The following MND1 variants were observed in gnomAD, a reference collection of about 807,000 sequenced individuals.
MND1 encodes the protein meiotic nuclear division protein 1 homolog.
MND1 carries 28 observed loss-of-function variants against 35.1 expected under a neutral mutation model. The observed-to-expected ratio is 0.80, with a 90% CI of 0.59 to 1.09. The LOEUF is 1.09. MND1 is among the 50% of genes least tolerant of loss of function. The probability of loss-of-function intolerance (pLI) is 0.00; values close to 1 mark genes in which losing one functional copy is unlikely to be tolerated. For synonymous variants in MND1, 69 were observed against 70.5 expected (o/e 0.98, Z 0.11); for missense variants, 213 against 239.6 (o/e 0.89, Z 0.73).
intron 6 of MND1, among the ~76,000 whole-genome samples, chr4:153,404,883 C>T (rs1034227412): frequency 6.6e-6 from 1 of 152,030 alleles, no homozygotes; most frequent in African/African-American, 2.4e-5. Context: ...TGCACCTCTA[C>T]ACCTGGCTAA....
intron 5 of MND1, 143 bp downstream of exon 5, chr4:153,394,479 G>C (rs1234719855): frequency 3.5e-6 from 2 of 566,698 alleles, no homozygotes; most frequent in Non-Finnish European, 6.1e-6. Flanking sequence ...GACCTGGTAG[G>C]ATTCACCAAT....
intron 6 of MND1, among the ~76,000 whole-genome samples, chr4:153,403,512 G>C (rs992558461): frequency 6.6e-6 from 1 of 152,132 alleles, no homozygotes; most frequent in Non-Finnish European, 1.5e-5. Flanking sequence ...TTAAGAACAC[G>C]GACTTTACAG....
intron 7 of MND1, 70 bp from the exon 8 acceptor site, chr4:153,414,680 TG>T: frequency 1.6e-6 from 1 of 614,384 alleles, no homozygotes; most frequent in South Asian, 3.1e-5. Context: ...AAAAGAACAA[TG>T]AAGATAATTA....
intron 2 of MND1, among the ~76,000 whole-genome samples, chr4:153,352,643 G>A (rs1773242680): frequency 6.6e-6 from 1 of 151,600 alleles, no homozygotes; most frequent in Non-Finnish European, 1.5e-5. Context: ...GGAGGCCAAG[G>A]CAGGAGGATC....
chr4:153,387,008 A>G (rs1190868651), intron 4 of MND1, among the ~76,000 whole-genome samples: 2 of 152,240 alleles, frequency 1.3e-5, no homozygotes. Flanking sequence ...GAGAATGCTC[A>G]CATTTTAATC....
intron 4 of MND1, among the ~76,000 whole-genome samples, chr4:153,384,258 CTTTTTTTT>C (rs35214226): frequency 2.3e-3 from 127 of 55,360 alleles, no homozygotes; most frequent in African/African-American, 9.4e-3. Flanking sequence ...CTACTTTCTG[CTTTTTTTT>C]TTTTTTTTTT....
chr4:153,358,744 A>C (rs537545574), intron 4 of MND1, 122 bp downstream of exon 4: 1 of 888,920 alleles, frequency 1.1e-6, no homozygotes, highest in East Asian at 2.8e-5. Flanking sequence ...CTGAAAGTCT[A>C]AAGATAATTA....
intron 7 of MND1, among the ~76,000 whole-genome samples, chr4:153,413,886 T>C (rs1421687057): frequency 1.3e-5 from 2 of 152,228 alleles, no homozygotes; most frequent in Non-Finnish European, 2.9e-5. Flanking sequence ...TTTTATTTCC[T>C]TGGGATAAAT....
intron 4 of MND1, among the ~76,000 whole-genome samples, chr4:153,366,861 T>G (rs937232679): frequency 6.6e-6 from 1 of 152,212 alleles, no homozygotes; most frequent in African/African-American, 2.4e-5. Context: ...GTTTTATAGA[T>G]GAAGAAACTG....
intron 1 of MND1, among the ~76,000 whole-genome samples, chr4:153,347,590 A>T (rs1773104578): frequency 6.6e-6 from 1 of 152,196 alleles, no homozygotes; most frequent in Non-Finnish European, 1.5e-5. Context: ...CAGTGTGCTG[A>T]TACGGACAAG....
chr4:153,408,552 T>C (rs1729585315), intron 6 of MND1, among the ~76,000 whole-genome samples: 1 of 152,184 alleles, frequency 6.6e-6, no homozygotes, highest in South Asian at 2.1e-4. Flanking sequence ...TCACACTTAT[T>C]GTGGTCTTAT....
At chr4:153,408,443 T>C (rs1729581647) in intron 6 of MND1, among the ~76,000 whole-genome samples, 1 of 152,002 alleles carries the variant, frequency 6.6e-6, no homozygotes, top group South Asian at 2.1e-4. Context: ...GTACATAATA[T>C]ACATACAGAT....
intron 2 of MND1, among the ~76,000 whole-genome samples, chr4:153,354,607 A>C (rs532663850): frequency 6.6e-6 from 1 of 152,094 alleles, no homozygotes; most frequent in Non-Finnish European, 1.5e-5. Context: ...GGCTCAAGCT[A>C]TTCTCCCATC....
rs112091834 is a variant in MND1, at chr4:153,394,335, C to T, written c.350C>T (p.Thr117Met). The T allele has an allele frequency of 9.6e-5, 154 of 1,610,140 alleles. No homozygotes were observed. The African/African-American group carries it at 1.3e-3, about 14-fold the overall frequency. ...IEKAKIGRCETEERTRLAKEL... is the reference protein window; with the variant it reads ...IEKAKIGRCEMEERTRLAKEL... ...AAAGCTAAAATTGGCCGATGTGAAA[C>T]GGTAAGTTTGTGTCTATAGATTATT... Residue 117 changes from threonine (T) to methionine (M), a missense_variant and splice_region_variant, in exon 5 of 8, where the codon ACG becomes ATG. Coordinates refer to ENST00000240488, the MANE Select transcript of MND1 (RefSeq NM_032117.4).
At chr4:153,390,708 C>T (rs1220348834) in intron 4 of MND1, among the ~76,000 whole-genome samples, 1 of 151,792 alleles carries the variant, frequency 6.6e-6, no homozygotes, top group African/African-American at 2.4e-5. Flanking sequence ...ATTAGCCGGG[C>T]GTGGTAGCAT....
rs1416115901 is a variant in MND1, at chr4:153,379,268, C to T, written c.277-14994C>T. Among the ~76,000 whole-genome samples the T allele has an allele frequency of 7.0e-5, 9 of 127,896 alleles. No homozygotes were observed. In the South Asian group the frequency reaches 1.7e-3, roughly 24 times the overall value. The allele number at this position is 127,896 out of a possible 152,430, so 83.9% of individuals were successfully genotyped here. A position where few individuals can be genotyped will look rare whatever the true frequency, so the allele number is the denominator to read the frequency against. The stretch of plus-strand genomic sequence containing the variant: ...TCCTGCCACTGCACTCCAGCCTGGG[C>T]GACAGAGCGAGACTCTGTCTCAAAA... On this transcript the variant is annotated intron_variant, in intron 4 of 7. Coordinates refer to ENST00000240488, the MANE Select transcript of MND1 (RefSeq NM_032117.4).
chr4:153,393,933 T>C (rs915983030), intron 4 of MND1, among the ~76,000 whole-genome samples: 1 of 135,422 alleles, frequency 7.4e-6, no homozygotes, highest in Non-Finnish European at 1.6e-5. Flanking sequence ...TCTTTTTTTT[T>C]TTTTTTTTTT....
intron 5 of MND1, 118 bp from the exon 6 acceptor site, chr4:153,397,101 C>T (rs1729216427): frequency 1.4e-5 from 9 of 625,562 alleles, no homozygotes; most frequent in Middle Eastern, 2.7e-4. Context: ...TATATAATGT[C>T]AAAAGTCTAA....
chr4:153,403,027 T>A (rs1729385384), intron 6 of MND1, among the ~76,000 whole-genome samples: 1 of 152,088 alleles, frequency 6.6e-6, no homozygotes, highest in African/African-American at 2.4e-5. Flanking sequence ...TACTAGCTAC[T>A]CAGGAGGCTG....
Sources: gnomAD v4.1 joint callset for allele counts (sites outside exome capture counted in the v4.1 genomes callset) on GRCh38, gnomAD v4.1.1 for gene constraint, MANE v1.5 for transcripts, NCBI Gene and HGNC (gene_info 2026-07-23, HGNC 2026-07-21) for gene names.